Variants in PTPRD observed in about 807,000 individuals in gnomAD.
The protein encoded by PTPRD is receptor-type tyrosine-protein phosphatase delta.
PTPRD carries 34 observed loss-of-function variants against 214.5 expected under a neutral mutation model. The observed-to-expected ratio is 0.16, with a 90% CI of 0.12 to 0.21. The LOEUF is 0.21. PTPRD is among the 10% of genes least tolerant of loss of function. The pLI is 1.00. For missense variants in PTPRD, 2,545 were observed against 2,398.7 expected (o/e 1.06, Z -1.27); for synonymous variants, 1,128 against 845.7 (o/e 1.33, Z -5.79).
intron 11 of PTPRD, among the ~76,000 whole-genome samples, chr9:8,854,868 T>C (rs1450865665): frequency 6.6e-6 from 1 of 152,174 alleles, no homozygotes; most frequent in Non-Finnish European, 1.5e-5. Context: ...ATAACATCCT[T>C]ATCAGTCCAA....
intron 3 of PTPRD, among the ~76,000 whole-genome samples, chr9:10,230,692 C>A (rs1452403518): frequency 6.6e-6 from 1 of 151,948 alleles, no homozygotes; most frequent in South Asian, 2.1e-4. Flanking sequence ...AAGTTTTTTG[C>A]TTGTTCATCT....
intron 2 of PTPRD, among the ~76,000 whole-genome samples, chr9:10,502,140 C>T (rs1371929362): frequency 2.0e-5 from 3 of 151,572 alleles, no homozygotes; most frequent in Admixed American, 1.3e-4. Context: ...AAAAGAAAGC[C>T]AACATGCAAA....
intron 10 of PTPRD, among the ~76,000 whole-genome samples, chr9:9,120,538 C>G (rs1176043491): frequency 6.6e-6 from 1 of 152,150 alleles, no homozygotes; most frequent in Non-Finnish European, 1.5e-5. Flanking sequence ...TAAAAGCTAC[C>G]TCTTTAGATT....
chr9:8,398,991 T>G (rs899906335), intron 36 of PTPRD, among the ~76,000 whole-genome samples: 12 of 152,182 alleles, frequency 7.9e-5, no homozygotes, highest in Admixed American at 6.5e-5. Flanking sequence ...CATACTAGGT[T>G]TATTCTTCAT....
intron 9 of PTPRD, among the ~76,000 whole-genome samples, chr9:9,286,379 C>T (rs1282651778): frequency 6.6e-6 from 1 of 151,846 alleles, no homozygotes; most frequent in Non-Finnish European, 1.5e-5. Flanking sequence ...GCATCATCTT[C>T]ATGGCCCTGC....
intron 3 of PTPRD, among the ~76,000 whole-genome samples, chr9:10,204,254 G>A (rs1162276343): frequency 6.6e-6 from 1 of 151,854 alleles, no homozygotes; most frequent in Non-Finnish European, 1.5e-5. Context: ...ATCTCTTTGG[G>A]TTTGCTTGCT....
At chr9:8,463,074 G>A (rs1023639609) in intron 32 of PTPRD, among the ~76,000 whole-genome samples, 1 of 151,718 alleles carries the variant, frequency 6.6e-6, no homozygotes, top group Non-Finnish European at 1.5e-5. Flanking sequence ...ATATTTAAAT[G>A]TTTTAACCTG....
intron 14 of PTPRD, among the ~76,000 whole-genome samples, chr9:8,556,933 C>T (rs1273045896): frequency 6.6e-6 from 1 of 152,106 alleles, no homozygotes; most frequent in East Asian, 1.9e-4. Flanking sequence ...CTTTATAGTC[C>T]TTATATGCAC....
intron 3 of PTPRD, among the ~76,000 whole-genome samples, chr9:10,337,926 G>A (rs114020904): frequency 3.3e-5 from 5 of 151,418 alleles, no homozygotes; most frequent in South Asian, 2.1e-4. Context: ...GTTAAAATAC[G>A]TTTTCAGCAA....
At chr9:9,264,203 A>C (rs1937868069) in intron 9 of PTPRD, among the ~76,000 whole-genome samples, 1 of 151,648 alleles carries the variant, frequency 6.6e-6, no homozygotes, top group Admixed American at 6.6e-5. Flanking sequence ...TCAGTATCCA[A>C]CCTAAAAGAA....
chr9:9,704,726 T>C (rs1366532151), intron 7 of PTPRD, among the ~76,000 whole-genome samples: 1 of 152,228 alleles, frequency 6.6e-6, no homozygotes, highest in Admixed American at 6.5e-5. Flanking sequence ...ACCACTGTGA[T>C]AAAGTGTGCA....
chr9:9,390,696 A>G (rs1458598497), intron 9 of PTPRD, among the ~76,000 whole-genome samples: 1 of 152,202 alleles, frequency 6.6e-6, no homozygotes, highest in Non-Finnish European at 1.5e-5. Context: ...GATCAACTGA[A>G]GCAGACTTAG....
At chr9:10,361,259 G>C (rs2097383429) in intron 2 of PTPRD, among the ~76,000 whole-genome samples, 1 of 152,174 alleles carries the variant, frequency 6.6e-6, no homozygotes, top group Admixed American at 6.5e-5. Context: ...TCAATCTGTT[G>C]TGGTATCTCA....
intron 17 of PTPRD, 132 bp from the exon 18 acceptor site, chr9:8,525,167 C>T (rs1564067652): frequency 2.0e-5 from 16 of 797,178 alleles, no homozygotes; most frequent in Non-Finnish European, 3.4e-5. Flanking sequence ...CAATCTCTTG[C>T]TAAGTTGCAC....
chr9:9,927,891 T>C (rs1171916119), intron 5 of PTPRD, among the ~76,000 whole-genome samples: 1 of 152,136 alleles, frequency 6.6e-6, no homozygotes, highest in Non-Finnish European at 1.5e-5. Context: ...GAAAATGCAG[T>C]TGAGAGGTTG....
rs1221938030 is a variant in PTPRD, at chr9:10,154,653, T to G, written c.-544-120863A>C. The stretch of plus-strand genomic sequence containing the variant: ...TTGACTTTTCTATATGGGGTCCAGT[T>G]TCAGTCTTCTGCATATAGCTAGCTA... On this transcript the variant is annotated intron_variant, in intron 3 of 45. Transcript: ENST00000381196. Among the ~76,000 whole-genome samples, 5 of 152,210 alleles carry G rather than the reference T, an allele frequency of 3.3e-5. No homozygotes were observed. In the East Asian group the frequency reaches 9.7e-4, roughly 29 times the overall value.
chr9:10,587,206 T>C (rs1591518962), intron 2 of PTPRD, among the ~76,000 whole-genome samples: 1 of 152,036 alleles, frequency 6.6e-6, no homozygotes, highest in East Asian at 1.9e-4. Flanking sequence ...CATTCAGCTG[T>C]AAGGAAGCTG....
At chr9:9,330,650 A>T (rs1372326155) in intron 9 of PTPRD, among the ~76,000 whole-genome samples, 1 of 152,050 alleles carries the variant, frequency 6.6e-6, no homozygotes, top group African/African-American at 2.4e-5. Context: ...ATTTTTATTA[A>T]ATTTTGACAA....
intron 4 of PTPRD, among the ~76,000 whole-genome samples, chr9:9,983,758 G>A (rs2095619304): frequency 6.6e-6 from 1 of 152,178 alleles, no homozygotes; most frequent in Admixed American, 6.5e-5. Context: ...TACTGTCATA[G>A]AATGTCCACG....
Sources: allele counts gnomAD v4.1 joint callset (sites outside exome capture counted in the v4.1 genomes callset), GRCh38; gene constraint gnomAD v4.1.1; transcripts MANE v1.5; gene names NCBI Gene and HGNC (gene_info 2026-07-23, HGNC 2026-07-21).